The following TOP3A variants were observed in gnomAD, a reference collection of about 807,000 sequenced individuals.
TOP3A encodes DNA topoisomerase 3-alpha.
Under a neutral mutation model 111.3 loss-of-function variants are expected in TOP3A, and 64 were observed. The ratio of observed to expected loss-of-function variants is 0.57; its 90% confidence interval spans 0.47 to 0.71. The LOEUF is 0.71. Among genes scored for constraint, TOP3A ranks in the 30% least tolerant of loss-of-function variants. TOP3A has a pLI of 0.00. For synonymous variants in TOP3A, 484 were observed against 485.1 expected (o/e 1.00, Z 0.03); for missense variants, 1,104 against 1,285.0 (o/e 0.86, Z 2.15).
intron 18 of TOP3A, among the ~76,000 whole-genome samples, chr17:18,275,334 G>C (rs1255517760): frequency 7.1e-6 from 1 of 141,734 alleles, no homozygotes; most frequent in Admixed American, 7.1e-5. Context: ...AGACGATAAG[G>C]CTGAACCAAC....
chr17:18,308,266 A>G (rs747980666), intron 3 of TOP3A, 85 bp downstream of exon 3: 1 of 534,764 alleles, frequency 1.9e-6, no homozygotes, highest in East Asian at 4.1e-5. Flanking sequence ...AAAATTACCC[A>G]GTAAGATCAA....
intron 2 of TOP3A, chr17:18,308,653 A>T (rs1981730724): frequency 4.1e-6 from 2 of 483,360 alleles, no homozygotes; most frequent in Admixed American, 3.9e-5. Context: ...AATTTTCCTC[A>T]AACTATTGTA....
At chr17:18,311,984 G>C (rs1981938148) in intron 1 of TOP3A, 1 of 152,334 alleles carries the variant, frequency 6.6e-6, no homozygotes, top group Non-Finnish European at 1.5e-5. Flanking sequence ...CAAAAAGGTG[G>C]TAAATCCCAT....
Position 18,280,638 on chromosome 17 carries a change from C to T in TOP3A, c.2042G>A (p.Gly681Asp). The T allele has an allele frequency of 6.2e-7, 1 of 1,614,134 alleles. No individual in the cohort carries two copies. The highest frequency in any genetic ancestry group is 1.7e-5 in the Admixed American group (1 of 60,024). ...CACAGCTGAGCGACACTCTGGGAAA[C>T]CCATGCAGCTGAGGTAGAACCTGGG... ...KNGGFYLSCM[G>D]FPECRSAVWL... The change falls in exon 17 of 19, where the codon GGT becomes GAT. Residue 681 changes from glycine to aspartate, a missense_variant. Gly to Asp is a moderately conservative substitution (Grantham distance 94, BLOSUM62 -1). Coordinates refer to ENST00000321105, the MANE Select transcript of TOP3A (RefSeq NM_004618.5).
rs1246052765 is a variant in TOP3A, at chr17:18,274,028, C to T, written c.*774G>A. On this transcript the variant is annotated 3_prime_UTR_variant, in exon 19 of 19. Coordinates refer to ENST00000321105, the MANE Select transcript of TOP3A (RefSeq NM_004618.5). ...CTCAGCTAACTGCAACCTCCGCCTCCCGGGTTCAAGCAATTCTCCTGCCTC... is the reference window on the plus strand; with the variant it reads ...CTCAGCTAACTGCAACCTCCGCCTCTCGGGTTCAAGCAATTCTCCTGCCTC... The T allele has an allele frequency of 6.6e-6, 1 of 152,138 alleles. No homozygotes were observed. Among genetic ancestry groups the T allele is most frequent in the Admixed American group, 6.5e-5 (1 of 15,272 alleles). 9.4% of individuals were successfully genotyped at this position (152,138 alleles called of 1,614,324 possible). A position where few individuals can be genotyped will look rare whatever the true frequency, so the allele number is the denominator to read the frequency against.
In TOP3A at chr17:18,273,482, G is replaced by A. The variant is rs1392861530; in HGVS notation, c.*1320C>T. On this transcript the variant is annotated 3_prime_UTR_variant, in exon 19 of 19. Transcript: ENST00000321105. The stretch of plus-strand genomic sequence containing the variant: ...AAGGGAGGAAGGGCTCTCCACATGG[G>A]ACACAAGGGACAGCCATGAAGGACA... The A allele has an allele frequency of 6.6e-6, 1 of 152,238 alleles. No individual in the cohort carries two copies. Among genetic ancestry groups the A allele is most frequent in the African/African-American group, 2.4e-5 (1 of 41,454 alleles). 9.4% of individuals were successfully genotyped at this position (152,238 alleles called of 1,614,324 possible).
At chr17:18,294,005 C>T (rs1426471073) in intron 10 of TOP3A, among the ~76,000 whole-genome samples, 2 of 152,214 alleles carry the variant, frequency 1.3e-5, no homozygotes, top group East Asian at 3.8e-4. Context: ...CCAATTTGGA[C>T]AACTTGAATT....
intron 4 of TOP3A, among the ~76,000 whole-genome samples, chr17:18,305,501 C>T (rs1260350208): frequency 2.6e-5 from 4 of 151,970 alleles, no homozygotes; most frequent in South Asian, 2.1e-4. Context: ...CGCGCGCGCG[C>T]GCGCACGCAC....
At chr17:18,298,332 G>A (rs1330682656) in intron 9 of TOP3A, among the ~76,000 whole-genome samples, 5 of 150,750 alleles carry the variant, frequency 3.3e-5, no homozygotes, top group African/African-American at 9.9e-5. Flanking sequence ...GCAGGGAGGT[G>A]GGAGGGTCAG....
chr17:18,307,361 G>A (rs1206007119), intron 3 of TOP3A: 1 of 158,818 alleles, frequency 6.3e-6, no homozygotes, highest in African/African-American at 2.4e-5. Flanking sequence ...CACGTTGGGA[G>A]GCCAAGGTGG....
At chr17:18,288,149 A>ATATATATATATATATAT (rs1301508954) in intron 13 of TOP3A, among the ~76,000 whole-genome samples, 67 of 121,862 alleles carry the variant, frequency 5.5e-4, no homozygotes, top group African/African-American at 1.1e-3. Context: ...ATATATATAT[A>ATATATATATATATATAT]AATTTTTTTT....
intron 1 of TOP3A, among the ~76,000 whole-genome samples, chr17:18,311,650 G>A (rs749100032): frequency 6.6e-6 from 1 of 152,196 alleles, no homozygotes; most frequent in Non-Finnish European, 1.5e-5. Context: ...TTAGGCGTTA[G>A]GACATAGCAA....
intron 8 of TOP3A, among the ~76,000 whole-genome samples, chr17:18,299,919 TAC>T (rs765662345): frequency 7.6e-4 from 116 of 152,252 alleles, no homozygotes; most frequent in Non-Finnish European, 1.2e-3. Flanking sequence ...ATCACCTGAG[TAC>T]AGTTTTCTAT....
chr17:18,275,322 G>C (rs1344774631), intron 18 of TOP3A, among the ~76,000 whole-genome samples: 1 of 133,248 alleles, frequency 7.5e-6, no homozygotes, highest in Non-Finnish European at 1.6e-5. Flanking sequence ...AAAAAGAGCA[G>C]CAGACGATAA....
At chr17:18,279,085 A>G (rs1979588733) in intron 17 of TOP3A, among the ~76,000 whole-genome samples, 1 of 152,270 alleles carries the variant, frequency 6.6e-6, no homozygotes, top group African/African-American at 2.4e-5. Flanking sequence ...GGCTGACTGC[A>G]GAAGCAGATA....
intron 8 of TOP3A, 28 bp downstream of exon 8, chr17:18,301,857 T>C: frequency 6.3e-7 from 1 of 1,585,684 alleles, no homozygotes. Flanking sequence ...GTGTGCAGAA[T>C]GTTTCCTAGA....
At chr17:18,309,709 C>CTTTTTT (rs749580212) in intron 1 of TOP3A, among the ~76,000 whole-genome samples, 1 of 128,780 alleles carries the variant, frequency 7.8e-6, no homozygotes, top group African/African-American at 3.1e-5. Flanking sequence ...TATAGAAGTT[C>CTTTTTT]TTTTTTTTTT....
chr17:18,283,337 C>G (rs1419488563), intron 15 of TOP3A, among the ~76,000 whole-genome samples: 1 of 151,878 alleles, frequency 6.6e-6, no homozygotes, highest in Non-Finnish European at 1.5e-5. Context: ...CCATTGCACC[C>G]TAGCCTGGGC....
chr17:18,301,195 C>G (rs573020966), intron 8 of TOP3A, among the ~76,000 whole-genome samples: 52 of 152,278 alleles, frequency 3.4e-4, no homozygotes, highest in African/African-American at 1.2e-3. Flanking sequence ...TGGGTTAAAC[C>G]AGGCTGTTAT....
Sources: gnomAD v4.1 joint callset for allele counts (sites outside exome capture counted in the v4.1 genomes callset) on GRCh38, gnomAD v4.1.1 for gene constraint, MANE v1.5 for transcripts, NCBI Gene and HGNC (gene_info 2026-07-23, HGNC 2026-07-21) for gene names.